ZPLD1: variants seen among roughly 807,000 people sequenced by gnomAD.
ZPLD1 encodes zona pellucida-like domain-containing protein 1.
A neutral mutation model predicts 47.2 loss-of-function variants in ZPLD1; 34 were observed. That is an observed-to-expected ratio of 0.72 (90% CI 0.55 to 0.96). The LOEUF is 0.96. Among genes scored for constraint, ZPLD1 ranks in the 40% least tolerant of loss-of-function variants. ZPLD1 has a pLI of 0.00. For synonymous variants in ZPLD1, 176 were observed against 186.2 expected, an observed-to-expected ratio of 0.95 and a Z score of 0.45; for missense variants, 512 against 505.8, an observed-to-expected ratio of 1.01 and a Z score of -0.12.
intron 10 of ZPLD1, among the ~76,000 whole-genome samples, chr3:102,474,645 A>C (rs958092822): frequency 6.6e-6 from 1 of 152,298 alleles, no homozygotes; most frequent in Non-Finnish European, 1.5e-5. Context: ...ATTATTCTGC[A>C]TGTATCTTTG....
Position 102,400,178 on chromosome 3 carries a change from G to A in ZPLD1, c.-157+7953G>A, listed in dbSNP as rs536063123. On this transcript the variant is annotated intron_variant, in intron 7 of 17. Transcript: ENST00000491959. ...AAAGTTTTTAGTCCTTTTAGTCCAA[G>A]CTAAGGTAGTCATGATGTGTAGCTT... Among the ~76,000 whole-genome samples the A allele has an allele frequency of 1.4e-4, 21 of 152,134 alleles. 1 individual carries two copies. Among genetic ancestry groups the A allele is most frequent in the Admixed American group, 9.2e-4 (14 of 15,246 alleles).
chr3:102,439,031 C>G (rs911751966), intron 3 of ZPLD1, among the ~76,000 whole-genome samples: 3 of 152,098 alleles, frequency 2.0e-5, no homozygotes, highest in African/African-American at 4.8e-5. Flanking sequence ...ACAAAGGACA[C>G]AGGTGAGCTT....
At chr3:102,415,463 A>G (rs569446671) in intron 7 of ZPLD1, among the ~76,000 whole-genome samples, 60 of 151,836 alleles carry the variant, frequency 4.0e-4, no homozygotes, top group Non-Finnish European at 7.5e-4. Context: ...CCCATTGTAA[A>G]GCAAAAAAAG....
intron 3 of ZPLD1, among the ~76,000 whole-genome samples, chr3:102,451,077 T>G (rs1307337623): frequency 6.6e-6 from 1 of 152,188 alleles, no homozygotes; most frequent in Non-Finnish European, 1.5e-5. Context: ...AGATTTTTCA[T>G]CTTTCTTTAT....
At chr3:102,468,128 T>G (rs1170500549) in intron 8 of ZPLD1, among the ~76,000 whole-genome samples, 2 of 152,126 alleles carry the variant, frequency 1.3e-5, no homozygotes, top group African/African-American at 2.4e-5. Context: ...TAGTTCATTT[T>G]TACTCTCAAA....
chr3:102,437,895 C>T (rs1707115284), intron 2 of ZPLD1, among the ~76,000 whole-genome samples: 1 of 152,156 alleles, frequency 6.6e-6, no homozygotes, highest in Non-Finnish European at 1.5e-5. Flanking sequence ...CTTCCTTTTG[C>T]TTTATCACTA....
At chr3:102,392,549 T>TTCC (rs137992426) in intron 7 of ZPLD1, among the ~76,000 whole-genome samples, 1,567 of 147,380 alleles carry the variant, frequency 0.011, 30 homozygotes, top group African/African-American at 0.037. Context: ...CCTCCCTCCC[T>TTCC]TCCTTCCTCC....
chr3:102,431,736 C>A (rs1202128157), upstream of ZPLD1, among the ~76,000 whole-genome samples: 3 of 152,092 alleles, frequency 2.0e-5, no homozygotes, highest in Middle Eastern at 6.3e-3. Flanking sequence ...TGGTGAAACC[C>A]CGTCTCTATT....
Position 102,445,800 on chromosome 3 carries a change from A to C in ZPLD1, c.107-7119A>C, listed in dbSNP as rs79249089. Among the ~76,000 whole-genome samples the C allele has an allele frequency of 7.5e-3, 1,139 of 152,350 alleles. 15 individuals carry two copies. The highest frequency in any genetic ancestry group is 0.026 in the African/African-American group (1,079 of 41,582). On this transcript the variant is annotated intron_variant, in intron 3 of 11. Coordinates refer to ENST00000466937, the MANE Select transcript of ZPLD1 (RefSeq NM_001329788.2). The stretch of plus-strand genomic sequence containing the variant: ...TGTTAATAGTAATAGGTATCAACAA[A>C]CCTATCACTGTTAAAAATTCATTTT...
intron 7 of ZPLD1, among the ~76,000 whole-genome samples, chr3:102,404,735 A>G (rs1176037574): frequency 6.6e-6 from 1 of 152,010 alleles, no homozygotes; most frequent in Non-Finnish European, 1.5e-5. Flanking sequence ...TCTCTTGTGT[A>G]TGGTCTGTAT....
At chr3:102,453,696 T>C (rs747603125) in intron 4 of ZPLD1, among the ~76,000 whole-genome samples, 2 of 152,234 alleles carry the variant, frequency 1.3e-5, no homozygotes, top group Non-Finnish European at 2.9e-5. Flanking sequence ...AAAATGTTTA[T>C]CATATCCAGT....
In ZPLD1 at chr3:102,441,138, A is replaced by T. The variant is rs112551612; in HGVS notation, c.106+2545A>T. Among the ~76,000 whole-genome samples the T allele has an allele frequency of 4.3e-3, 652 of 152,276 alleles. 6 individuals are homozygous for T. Among genetic ancestry groups the T allele is most frequent in the African/African-American group, 0.015 (622 of 41,542 alleles). On this transcript the variant is annotated intron_variant, in intron 3 of 11. Coordinates refer to ENST00000466937, the MANE Select transcript of ZPLD1 (RefSeq NM_001329788.2). ...GCCATGACCCTGTTATGGATGGATAAGAAGGCCAAGTAATAAAATGATTGC... is the reference window on the plus strand; with the variant it reads ...GCCATGACCCTGTTATGGATGGATATGAAGGCCAAGTAATAAAATGATTGC...
chr3:102,469,072 C>T lies in ZPLD1; in HGVS notation c.870C>T (p.Ser290=), dbSNP rs1479160506. The change falls in exon 9 of 12, where the codon TCC becomes TCT. Residue 290 remains serine (S), a synonymous_variant. Coordinates refer to ENST00000466937, the MANE Select transcript of ZPLD1 (RefSeq NM_001329788.2). ...RFVKHKNQKM[S]TVFLHCVTKL... ...TGAAACACAAGAATCAGAAAATGTC[C>T]ACTGTCTTCTTGCACTGCGTTACCA... 2 of 1,614,116 alleles carry T rather than the reference C, an allele frequency of 1.2e-6. No homozygotes were observed. Among genetic ancestry groups the T allele is most frequent in the Admixed American group, 1.7e-5 (1 of 60,008 alleles).
chr3:102,441,397 T>C (rs1049959920), intron 3 of ZPLD1, among the ~76,000 whole-genome samples: 1 of 152,144 alleles, frequency 6.6e-6, no homozygotes, highest in Admixed American at 6.6e-5. Context: ...CTCAAATAAG[T>C]GATGTTAGAA....
intron 6 of ZPLD1, 29 bp from the exon 7 acceptor site, chr3:102,462,251 AT>A: frequency 7.0e-7 from 1 of 1,419,276 alleles, no homozygotes; most frequent in African/African-American, 1.4e-5. Context: ...TGGGGAGGTA[AT>A]AATAGATTTT....
chr3:102,394,173 A>G (rs1236624093), intron 7 of ZPLD1, among the ~76,000 whole-genome samples: 1 of 152,186 alleles, frequency 6.6e-6, no homozygotes, highest in African/African-American at 2.4e-5. Flanking sequence ...TGCAGAAATT[A>G]CCTACGGAAG....
At chr3:102,460,047 A>G (rs1707482464) in intron 6 of ZPLD1, among the ~76,000 whole-genome samples, 1 of 152,096 alleles carries the variant, frequency 6.6e-6, no homozygotes, top group Non-Finnish European at 1.5e-5. Flanking sequence ...TTTAAAAATT[A>G]GTAATTTACC....
At chr3:102,407,392 A>AAT (rs63183460) in intron 7 of ZPLD1, among the ~76,000 whole-genome samples, 1,367 of 37,504 alleles carry the variant, frequency 0.036, 71 homozygotes, top group Non-Finnish European at 0.051. Flanking sequence ...TTGATTTTCA[A>AAT]ATATATATAT....
chr3:102,403,782 TGTGA>T (rs1706651183), intron 7 of ZPLD1, among the ~76,000 whole-genome samples: 2 of 151,968 alleles, frequency 1.3e-5, no homozygotes, highest in African/African-American at 2.4e-5. Flanking sequence ...TATTGGAGGA[TGTGA>T]GTAACAGGCG....
Sources: gnomAD v4.1 joint callset for allele counts (sites outside exome capture counted in the v4.1 genomes callset) on GRCh38, gnomAD v4.1.1 for gene constraint, MANE v1.5 for transcripts, NCBI Gene and HGNC (gene_info 2026-07-23, HGNC 2026-07-21) for gene names.